Variants in SH2B3 observed in about 807,000 individuals in gnomAD.
SH2B3 encodes SH2B adapter protein 3.
SH2B3 carries 43 observed loss-of-function variants against 51.9 expected under a neutral mutation model. That is an observed-to-expected ratio of 0.83 (90% CI 0.65 to 1.07). SH2B3 has a LOEUF of 1.07. Among genes scored for constraint, SH2B3 ranks in the 50% least tolerant of loss-of-function variants. The pLI, the probability that SH2B3 is intolerant of heterozygous loss-of-function variation, is 0.00. For missense variants in SH2B3, 952 were observed against 834.3 expected (o/e 1.14, Z -1.74); for synonymous variants, 396 against 376.0 (o/e 1.05, Z -0.62).
intron 1 of SH2B3, among the ~76,000 whole-genome samples, chr12:111,411,178 C>T (rs1870666320): frequency 7.0e-6 from 1 of 142,890 alleles, no homozygotes; most frequent in South Asian, 2.2e-4. Flanking sequence ...CCAGCCTGGG[C>T]AGCATAGTGA....
intron 2 of SH2B3, among the ~76,000 whole-genome samples, chr12:111,436,635 T>G (rs1593062831): frequency 6.6e-6 from 1 of 152,070 alleles, no homozygotes; most frequent in Admixed American, 6.5e-5. Context: ...GGGCTGTCTT[T>G]CCCTGTGTGA....
intron 2 of SH2B3, chr12:111,444,297 G>C (rs1269800498): frequency 6.6e-6 from 1 of 152,238 alleles, no homozygotes; most frequent in Non-Finnish European, 1.5e-5. Context: ...CGTTGGGGTA[G>C]TGTCAGAGCT....
rs932828754 is a variant in SH2B3, at chr12:111,435,161, C to G, written c.733-11592C>G. ...TGTTTCTTAACCACATCTTTTTCCA[C>G]CCACACCCGGTGCAGAGCAGATGCT... On this transcript the variant is annotated intron_variant, in intron 2 of 7. Coordinates refer to ENST00000341259, the MANE Select transcript of SH2B3 (RefSeq NM_005475.3). This position sits in a 1 kb window ranked among gnomAD's most constrained non-coding sequence, Gnocchi z 4.8. 4.1e-6 allele frequency: 3 copies of G among 727,140 alleles called. No individual in the cohort carries two copies. The highest frequency in any genetic ancestry group is 5.4e-5 in the Admixed American group (2 of 36,736). 45.0% of individuals were successfully genotyped at this position (727,140 alleles called of 1,614,324 possible).
chr12:111,430,057 C>A (rs886130492), intron 2 of SH2B3, among the ~76,000 whole-genome samples: 1 of 152,212 alleles, frequency 6.6e-6, no homozygotes, highest in African/African-American at 2.4e-5. Flanking sequence ...GGACCAGCGG[C>A]AGAGGCTCCT....
chr12:111,424,690 G>A lies in SH2B3; in HGVS notation c.732+5813G>A, dbSNP rs1661699059. ...TTCTCCTAGCCCCTCGGAGCATCAG[G>A]TGGAACAGTCCGGGCGGCTCAGGAG... On this transcript the variant is annotated intron_variant, in intron 2 of 7. Coordinates refer to ENST00000341259, the MANE Select transcript of SH2B3 (RefSeq NM_005475.3). Among the ~76,000 whole-genome samples, 8 of 152,098 alleles carry A rather than the reference G, an allele frequency of 5.3e-5. 1 individual carries two copies. Among genetic ancestry groups the A allele is most frequent in the Middle Eastern group, 3.2e-3 (1 of 316 alleles).
chr12:111,438,640 C>CCTG lies in SH2B3; in HGVS notation c.733-8112_733-8111insTGC, dbSNP rs1593065478. 1.3e-5 allele frequency among the ~76,000 whole-genome samples: 2 copies of CCTG among 152,326 alleles called. No homozygotes were observed. Among genetic ancestry groups the CCTG allele is most frequent in the East Asian group, 3.9e-4 (2 of 5,180 alleles). The stretch of plus-strand genomic sequence containing the variant: ...GGCCAAGGACACCACGTGAGCAAAG[C>CCTG]CAAGTCACGGCAGAGACCTGCATCA... On this transcript the variant is annotated intron_variant, in intron 2 of 7. Transcript: ENST00000341259. The surrounding 1 kb of genome is among the most constrained non-coding windows in gnomAD (Gnocchi z 4.2).
chr12:111,445,889 A>G (rs1027693667), intron 2 of SH2B3, among the ~76,000 whole-genome samples: 2 of 152,246 alleles, frequency 1.3e-5, no homozygotes, highest in African/African-American at 4.8e-5. Context: ...AGTCCAAGGT[A>G]TGCCCTTTTG....
intron 2 of SH2B3, among the ~76,000 whole-genome samples, chr12:111,425,279 T>A (rs1871903304): frequency 6.6e-6 from 1 of 152,044 alleles, no homozygotes; most frequent in African/African-American, 2.4e-5. Flanking sequence ...AGGAGATGTC[T>A]GTGTTTTCCA....
At chr12:111,427,017 A>T (rs1427996811) in intron 2 of SH2B3, among the ~76,000 whole-genome samples, 1 of 152,092 alleles carries the variant, frequency 6.6e-6, no homozygotes, top group Non-Finnish European at 1.5e-5. Flanking sequence ...AGAAAAGGAA[A>T]TTGCACTGGT....
intron 1 of SH2B3, among the ~76,000 whole-genome samples, chr12:111,415,746 C>T (rs975412972): frequency 1.3e-5 from 2 of 151,066 alleles, no homozygotes; most frequent in African/African-American, 4.9e-5. Flanking sequence ...CTCACCCTCC[C>T]GAGTAGCTGG....
intron 2 of SH2B3, among the ~76,000 whole-genome samples, chr12:111,442,424 G>GGCTGGTGC (rs1565985990): frequency 6.6e-6 from 1 of 152,222 alleles, no homozygotes; most frequent in East Asian, 1.9e-4. Context: ...TGGCAGAGGC[G>GGCTGGTGC]TGGCTGGTGC....
Position 111,448,339 on chromosome 12 carries a change from A to C in SH2B3, c.*37A>C. On this transcript the variant is annotated 3_prime_UTR_variant, in exon 8 of 8. Coordinates refer to ENST00000341259, the MANE Select transcript of SH2B3 (RefSeq NM_005475.3). ...TTCCAGGCCTCAACAGCTGCCCTTGAGGAGCACAGGCAGAAGTGTGAACTT... is the reference window on the plus strand; with the variant it reads ...TTCCAGGCCTCAACAGCTGCCCTTGCGGAGCACAGGCAGAAGTGTGAACTT... 7.0e-7 allele frequency: 1 copy of C among 1,422,086 alleles called. No homozygotes were observed. Among genetic ancestry groups the C allele is most frequent in the Non-Finnish European group, 9.8e-7 (1 of 1,023,260 alleles). 88.1% of individuals were successfully genotyped at this position (1,422,086 alleles called of 1,614,324 possible).
intron 2 of SH2B3, among the ~76,000 whole-genome samples, chr12:111,423,786 C>T (rs113474528): frequency 0.1 from 15,554 of 152,274 alleles, 2,658 homozygotes; most frequent in African/African-American, 0.35. Flanking sequence ...CGAGACCAGC[C>T]TGGCCAACAT....
intron 2 of SH2B3, among the ~76,000 whole-genome samples, chr12:111,431,732 G>A (rs1195808195): frequency 6.6e-6 from 1 of 152,080 alleles, no homozygotes; most frequent in Non-Finnish European, 1.5e-5. Context: ...ATTTAATGCT[G>A]CTATTAGCAT....
intron 2 of SH2B3, among the ~76,000 whole-genome samples, chr12:111,428,363 G>A (rs1872175174): frequency 1.3e-5 from 2 of 152,222 alleles, no homozygotes; most frequent in Admixed American, 1.3e-4. Flanking sequence ...CAGTGGTCTG[G>A]GTAGGAGTGG....
chr12:111,410,363 A>G lies in SH2B3; in HGVS notation c.-28+4086A>G, dbSNP rs140144155. ...ACGCATGTCCCTCCTGATGTCCCCA[A>G]GTAGCACGTGGGGAGGAGGTTCACC... On this transcript the variant is annotated intron_variant, in intron 1 of 7. Transcript: ENST00000341259. This position sits in a 1 kb window ranked among gnomAD's most constrained non-coding sequence, Gnocchi z 4.9. 9.2e-5 allele frequency among the ~76,000 whole-genome samples: 14 copies of G among 152,302 alleles called. No individual in the cohort carries two copies. The highest frequency in any genetic ancestry group is 3.4e-4 in the African/African-American group (14 of 41,570).
Position 111,447,676 on chromosome 12 carries a change from A to C in SH2B3, c.1257A>C (p.Thr419=), listed in dbSNP as rs145472272. The C allele has an allele frequency of 1.6e-4, 264 of 1,612,690 alleles. No individual in the cohort carries two copies. In the Middle Eastern group the frequency reaches 2.0e-3, roughly 12 times the overall value. Residue 419 remains threonine (T), a synonymous_variant, in exon 7 of 8, where the codon ACA becomes ACC. Transcript: ENST00000341259. The stretch of plus-strand genomic sequence containing the variant: ...CACAGCACCTGCGCCTGTCGCTGAC[A>C]GAGCGGGGCCAGTGCCGTGTGCAGC... ...GIAKHLRLSL[T]ERGQCRVQHL... is the part of the protein sequence containing the mutation.
rs760318311 is a variant in SH2B3, at chr12:111,418,617, C to T, written c.472C>T (p.His158Tyr). 3.4e-6 allele frequency: 5 copies of T among 1,481,540 alleles called. No individual in the cohort carries two copies. Among genetic ancestry groups the T allele is most frequent in the Admixed American group, 4.6e-5 (2 of 43,900 alleles). 91.8% of individuals were successfully genotyped at this position (1,481,540 alleles called of 1,614,324 possible). ...CTCGGCCGGGGAGCTGCCAGCGGCC[C>T]ACACCGCTGCCGCCCCCGGGACCCC... is the stretch of plus-strand genomic sequence containing the variant. ...RRSAGELPAA[H>Y]TAAAPGTPGE... The change falls in exon 2 of 8, where the codon CAC becomes TAC. Residue 158 changes from histidine to tyrosine, a missense_variant. Physicochemically the swap from His to Tyr is moderately conservative, Grantham distance 83. Transcript: ENST00000341259. This position sits in a 1 kb window ranked among gnomAD's most constrained non-coding sequence, Gnocchi z 6.7.
At position 111,405,964 on chromosome 12, in the gene SH2B3, C is replaced by A. The variant is rs1437425591; in HGVS notation, c.-341C>A. On this transcript the variant is annotated 5_prime_UTR_variant, in exon 1 of 8. Transcript: ENST00000341259. This position sits in a 1 kb window ranked among gnomAD's most constrained non-coding sequence, Gnocchi z 5.4. ...CGGCATGGGCCCGGGCCACCGCCTC[C>A]GCCCGGCTGCCCGCCCGGACTGTCG... 1 of 151,670 alleles carries A rather than the reference C, an allele frequency of 6.6e-6. No individual in the cohort carries two copies. Among genetic ancestry groups the A allele is most frequent in the African/African-American group, 2.4e-5 (1 of 41,390 alleles). 9.4% of individuals were successfully genotyped at this position (151,670 alleles called of 1,614,324 possible). A position where few individuals can be genotyped will look rare whatever the true frequency, so the allele number is the denominator to read the frequency against.
Sources: allele counts gnomAD v4.1 joint callset (sites outside exome capture counted in the v4.1 genomes callset), GRCh38; gene constraint gnomAD v4.1.1; non-coding constraint Gnocchi (gnomAD v3.1); transcripts MANE v1.5; gene names NCBI Gene and HGNC (gene_info 2026-07-23, HGNC 2026-07-21).